DPY19L2: variants seen among roughly 807,000 people sequenced by gnomAD.
The protein encoded by DPY19L2 is probable C-mannosyltransferase DPY19L2.
DPY19L2 carries 34 observed loss-of-function variants against 97.9 expected under a neutral mutation model. The ratio of observed to expected loss-of-function variants is 0.35; its 90% CI spans 0.26 to 0.46. The LOEUF (loss-of-function observed/expected upper bound fraction) is 0.46. Ranked by LOEUF, DPY19L2 falls within the 20% of genes least tolerant of loss-of-function variation. The probability of loss-of-function intolerance (pLI) is 1.00; values close to 1 mark genes in which losing one functional copy is unlikely to be tolerated. For missense variants in DPY19L2, 623 were observed against 911.4 expected, an observed-to-expected ratio of 0.68 and a Z score of 4.07; for synonymous variants, 230 against 307.9, an observed-to-expected ratio of 0.75 and a Z score of 2.65.
chr12:63,668,277 C>A lies in DPY19L2; in HGVS notation c.117G>T (p.Lys39Asn). ...GCAGTTTCCCGCCGCCTAGGGCCGA[C>A]TTTTCCATCTCCTCCTCTACCTCCG... ...REPEVEEEME[K>N]SALGGGKLPR... The change falls in exon 1 of 22, where the codon AAG becomes AAT. Residue 39 changes from lysine to asparagine, a missense_variant. Physicochemically the swap from Lys to Asn is moderately conservative, Grantham distance 94. Transcript: ENST00000324472. The A allele has an allele frequency of 1.9e-6, 3 of 1,613,946 alleles. No individual in the cohort carries two copies. Among genetic ancestry groups the A allele is most frequent in the Non-Finnish European group, 2.5e-6 (3 of 1,179,902 alleles).
At chr12:63,622,134 T>C (rs1888795788) in intron 8 of DPY19L2, among the ~76,000 whole-genome samples, 1 of 152,172 alleles carries the variant, frequency 6.6e-6, no homozygotes, top group East Asian at 1.9e-4. Flanking sequence ...AATCTTATAT[T>C]TTTCAAACAA....
At chr12:63,657,425 G>A (rs1284872833) in intron 4 of DPY19L2, among the ~76,000 whole-genome samples, 2 of 152,214 alleles carry the variant, frequency 1.3e-5, no homozygotes, top group African/African-American at 4.8e-5. Flanking sequence ...AATGTAATGG[G>A]GGAAGAGTGA....
chr12:63,577,116 C>T (rs1354489555), intron 19 of DPY19L2, among the ~76,000 whole-genome samples: 1 of 151,792 alleles, frequency 6.6e-6, no homozygotes, highest in Non-Finnish European at 1.5e-5. Flanking sequence ...AATGGAGAAC[C>T]CAGAAAGAAA....
rs1389576320 is a variant in DPY19L2, at chr12:63,576,546, TAA to T, written c.1900+4114_1900+4115del. ...ATATGATCTTATATTTAGAAAAACC[TAA>T]AGTCTCCACCAAAAAAAAAACTATT... On this transcript the variant is annotated intron_variant, in intron 19 of 21. Transcript: ENST00000324472. Among the ~76,000 whole-genome samples, 19 of 150,006 alleles carry T rather than the reference TAA, an allele frequency of 1.3e-4. 1 individual carries two copies. The highest frequency in any genetic ancestry group is 3.7e-4 in the African/African-American group (15 of 40,036).
At chr12:63,632,319 C>T (rs1402425083) in intron 6 of DPY19L2, among the ~76,000 whole-genome samples, 2 of 152,086 alleles carry the variant, frequency 1.3e-5, no homozygotes, top group Non-Finnish European at 2.9e-5. Flanking sequence ...GAAAACCCCA[C>T]TGTCTCAACC....
At chr12:63,665,416 T>G (rs1254279148) in intron 2 of DPY19L2, among the ~76,000 whole-genome samples, 1 of 149,928 alleles carries the variant, frequency 6.7e-6, no homozygotes, top group East Asian at 2.0e-4. Flanking sequence ...GAGGTTGCAG[T>G]GAGTCAAGAT....
At chr12:63,617,520 A>G (rs1888051112) in intron 10 of DPY19L2, 130 bp from the exon 11 acceptor site, 5 of 580,802 alleles carry the variant, frequency 8.6e-6, no homozygotes, top group Non-Finnish European at 1.5e-5. Flanking sequence ...GCCAAATGAT[A>G]ACAGAATTTC....
intron 16 of DPY19L2, among the ~76,000 whole-genome samples, chr12:63,586,455 C>A (rs1881811420): frequency 1.3e-5 from 2 of 152,058 alleles, no homozygotes; most frequent in Admixed American, 1.3e-4. Context: ...TTCAGCATAA[C>A]CTGGAAGGAG....
intron 19 of DPY19L2, among the ~76,000 whole-genome samples, chr12:63,575,517 T>C: frequency 6.6e-6 from 1 of 151,472 alleles, no homozygotes; most frequent in Non-Finnish European, 1.5e-5. Flanking sequence ...AAAGATCAAC[T>C]GGTTTTCTGA....
intron 21 of DPY19L2, among the ~76,000 whole-genome samples, chr12:63,564,358 T>C (rs1592361496): frequency 6.6e-6 from 1 of 152,254 alleles, no homozygotes; most frequent in East Asian, 1.9e-4. Flanking sequence ...TTTTCTATTA[T>C]GGGCATTCAA....
intron 3 of DPY19L2, among the ~76,000 whole-genome samples, chr12:63,663,193 G>T (rs1165696077): frequency 6.6e-6 from 1 of 152,106 alleles, no homozygotes; most frequent in African/African-American, 2.4e-5. Flanking sequence ...GACGGTTGTG[G>T]TGTCTTCTAA....
intron 16 of DPY19L2, among the ~76,000 whole-genome samples, chr12:63,585,799 T>C (rs1276862413): frequency 3.3e-5 from 5 of 152,076 alleles, no homozygotes; most frequent in African/African-American, 1.2e-4. Flanking sequence ...AAACAGCCAA[T>C]GCAAATGAAA....
intron 13 of DPY19L2, among the ~76,000 whole-genome samples, chr12:63,599,178 C>CAAAAAAA (rs34866870): frequency 3.2e-5 from 4 of 124,994 alleles, no homozygotes; most frequent in Non-Finnish European, 3.6e-5. Context: ...TTTCAAAAAA[C>CAAAAAAA]AAAAAAAAAA....
chr12:63,587,423 C>T (rs1881981357), intron 16 of DPY19L2, among the ~76,000 whole-genome samples: 1 of 151,628 alleles, frequency 6.6e-6, no homozygotes, highest in African/African-American at 2.4e-5. Flanking sequence ...CTTTGAACTT[C>T]CCCTAAATAA....
intron 5 of DPY19L2, among the ~76,000 whole-genome samples, 181 bp from the exon 6 acceptor site, chr12:63,644,677 G>A (rs1473917344): frequency 6.6e-6 from 1 of 151,380 alleles, no homozygotes; most frequent in Non-Finnish European, 1.5e-5. Flanking sequence ...TGTGCTTGCA[G>A]ACACATATAT....
chr12:63,645,100 G>A (rs1893227905), intron 5 of DPY19L2, among the ~76,000 whole-genome samples: 1 of 152,044 alleles, frequency 6.6e-6, no homozygotes, highest in African/African-American at 2.4e-5. Flanking sequence ...GTGTGTGTGT[G>A]TGTGGCAATA....
chr12:63,634,360 G>A (rs969547172), intron 6 of DPY19L2, among the ~76,000 whole-genome samples: 2 of 152,160 alleles, frequency 1.3e-5, no homozygotes, highest in African/African-American at 4.8e-5. Context: ...AACAGCTCCA[G>A]TCTACAGCTC....
chr12:63,628,023 C>A (rs753329766), intron 6 of DPY19L2, among the ~76,000 whole-genome samples: 22 of 152,072 alleles, frequency 1.4e-4, no homozygotes, highest in Non-Finnish European at 2.8e-4. Context: ...TAGCAAGGAC[C>A]AATTGTCAAT....
rs188290478 is a variant in DPY19L2 at position 63,588,552 on chromosome 12, C to T, written c.1581-4716G>A. ...AAGCATTCTTACCAAATTTTAAAAA[C>T]AAGTGTAGTTATTAATAAGGAGAAA... On this transcript the variant is annotated intron_variant, in intron 16 of 21. Coordinates refer to ENST00000324472, the MANE Select transcript of DPY19L2 (RefSeq NM_173812.5). 2.9e-3 allele frequency among the ~76,000 whole-genome samples: 443 copies of T among 152,086 alleles called. 3 individuals are homozygous for T. Among genetic ancestry groups the T allele is most frequent in the African/African-American group, 9.3e-3 (386 of 41,518 alleles).
Sources: allele counts gnomAD v4.1 joint callset (sites outside exome capture counted in the v4.1 genomes callset), GRCh38; gene constraint gnomAD v4.1.1; transcripts MANE v1.5; gene names NCBI Gene and HGNC (gene_info 2026-07-23, HGNC 2026-07-21).